Variants in CSMD1 observed in about 807,000 individuals in gnomAD.
The protein encoded by CSMD1 is CUB and sushi domain-containing protein 1.
CSMD1 carries 213 observed loss-of-function variants against 417.5 expected under a neutral mutation model. The observed-to-expected ratio is 0.51, with a 90% CI of 0.46 to 0.57. The LOEUF (loss-of-function observed/expected upper bound fraction) is 0.57, where lower values mean the gene tolerates loss of function less well. Among genes scored for constraint, CSMD1 ranks in the 20% least tolerant of loss-of-function variants. CSMD1 has a pLI of 0.00. For missense variants in CSMD1, 6,923 were observed against 4,529.7 expected, an observed-to-expected ratio of 1.53 and a Z score of -15.17; for synonymous variants, 2,862 against 1,736.8, an observed-to-expected ratio of 1.65 and a Z score of -16.11.
intron 3 of CSMD1, among the ~76,000 whole-genome samples, chr8:4,378,847 TAA>T (rs1802918159): frequency 6.6e-6 from 1 of 152,136 alleles, no homozygotes; most frequent in Non-Finnish European, 1.5e-5. Flanking sequence ...ATAGAAGGCA[TAA>T]TCTATGAAAC....
At chr8:4,946,532 G>A (rs546489418) in intron 1 of CSMD1, among the ~76,000 whole-genome samples, 3 of 152,232 alleles carry the variant, frequency 2.0e-5, no homozygotes, top group South Asian at 2.1e-4. Flanking sequence ...CTCTAACCAG[G>A]CCTGAAGCAT....
intron 2 of CSMD1, among the ~76,000 whole-genome samples, chr8:4,480,030 C>G (rs766928571): frequency 6.6e-6 from 1 of 151,546 alleles, no homozygotes; most frequent in Non-Finnish European, 1.5e-5. Flanking sequence ...CATACTTATC[C>G]TATCATTCTC....
chr8:4,062,801 G>C (rs1407168967), intron 3 of CSMD1, among the ~76,000 whole-genome samples: 2 of 151,790 alleles, frequency 1.3e-5, no homozygotes, highest in Non-Finnish European at 2.9e-5. Flanking sequence ...GTATCTGTCA[G>C]CATCACGGAT....
chr8:3,244,674 C>T (rs567832739), intron 26 of CSMD1, among the ~76,000 whole-genome samples: 13 of 152,306 alleles, frequency 8.5e-5, no homozygotes, highest in African/African-American at 3.1e-4. Flanking sequence ...ATGTGGCTGA[C>T]AATCTGAGCC....
chr8:3,501,496 C>A (rs1489748248), intron 10 of CSMD1, among the ~76,000 whole-genome samples: 3 of 152,180 alleles, frequency 2.0e-5, no homozygotes, highest in East Asian at 1.9e-4. Context: ...TAAATCAGTA[C>A]CAAGACCCTA....
At chr8:3,243,633 G>T (rs1399705712) in intron 26 of CSMD1, among the ~76,000 whole-genome samples, 2 of 152,080 alleles carry the variant, frequency 1.3e-5, no homozygotes, top group Non-Finnish European at 2.9e-5. Context: ...CATCAGTTAA[G>T]GCAGGAACTG....
At chr8:4,295,772 A>G (rs1302129634) in intron 3 of CSMD1, among the ~76,000 whole-genome samples, 6 of 40,490 alleles carry the variant, frequency 1.5e-4, no homozygotes, top group African/African-American at 3.5e-4. Context: ...ATATATATAT[A>G]TATATATATA....
intron 3 of CSMD1, among the ~76,000 whole-genome samples, chr8:4,358,037 G>C (rs1347183352): frequency 2.6e-5 from 4 of 152,074 alleles, no homozygotes; most frequent in African/African-American, 9.7e-5. Flanking sequence ...GGAATACACA[G>C]TAGCTGCTGC....
At chr8:4,578,317 C>T (rs1799236851) in intron 2 of CSMD1, among the ~76,000 whole-genome samples, 1 of 130,522 alleles carries the variant, frequency 7.7e-6, no homozygotes, top group African/African-American at 3.2e-5. Context: ...AGGCACCTGC[C>T]ACGACACCCG....
chr8:4,711,234 T>C (rs1253589521), intron 1 of CSMD1, among the ~76,000 whole-genome samples: 2 of 152,060 alleles, frequency 1.3e-5, no homozygotes, highest in Non-Finnish European at 2.9e-5. Flanking sequence ...TTAATCATGC[T>C]ATGAAATGAG....
intron 9 of CSMD1, among the ~76,000 whole-genome samples, chr8:3,584,401 C>T (rs958402368): frequency 7.9e-5 from 12 of 152,246 alleles, no homozygotes; most frequent in East Asian, 5.8e-4. Flanking sequence ...CTTGAATTGA[C>T]GAGAACAGGA....
chr8:4,247,010 G>A (rs573567456), intron 3 of CSMD1, among the ~76,000 whole-genome samples: 32 of 152,222 alleles, frequency 2.1e-4, no homozygotes, highest in African/African-American at 3.4e-4. Flanking sequence ...AACACTCAGC[G>A]CCCCATATGT....
intron 5 of CSMD1, among the ~76,000 whole-genome samples, chr8:3,918,648 G>C (rs1196998774): frequency 1.3e-5 from 2 of 152,022 alleles, no homozygotes; most frequent in African/African-American, 2.4e-5. Context: ...AAAACGAGTG[G>C]ATAAAGAAGC....
At chr8:3,480,216 G>T (rs915294172) in intron 11 of CSMD1, among the ~76,000 whole-genome samples, 5 of 152,180 alleles carry the variant, frequency 3.3e-5, no homozygotes, top group African/African-American at 1.2e-4. Context: ...AAAAAAATTA[G>T]CTGGGTGTGG....
At chr8:4,970,301 T>C (rs1005158237) in intron 1 of CSMD1, among the ~76,000 whole-genome samples, 2 of 152,058 alleles carry the variant, frequency 1.3e-5, no homozygotes, top group African/African-American at 2.4e-5. Context: ...GTCTGTAAAA[T>C]GGGAATAAGT....
chr8:4,628,864 G>C (rs1052427390), intron 2 of CSMD1, among the ~76,000 whole-genome samples: 1 of 152,076 alleles, frequency 6.6e-6, no homozygotes, highest in African/African-American at 2.4e-5. Context: ...TTCGTTGATG[G>C]TGTTTTATTA....
chr8:4,970,476 T>C (rs537637656), intron 1 of CSMD1, among the ~76,000 whole-genome samples: 1 of 152,248 alleles, frequency 6.6e-6, no homozygotes, highest in South Asian at 2.1e-4. Context: ...ATTTATGAGC[T>C]CCATTATAAC....
Position 3,300,349 on chromosome 8 carries a change from C to G in CSMD1, c.3950+7346G>C, listed in dbSNP as rs186790587. Among the ~76,000 whole-genome samples the G allele has an allele frequency of 2.5e-3, 367 of 148,592 alleles. 1 individual carries two copies. Among genetic ancestry groups the G allele is most frequent in the Non-Finnish European group, 4.4e-3 (293 of 67,026 alleles). ...CTTTGGTGTTTAAGATTACAGAAAA[C>G]TACATTTAGGGGTTTTTTTTTCTGC... On this transcript the variant is annotated intron_variant, in intron 25 of 69. Coordinates refer to ENST00000635120, the MANE Select transcript of CSMD1 (RefSeq NM_033225.6).
At chr8:4,972,554 G>A (rs1810305634) in intron 1 of CSMD1, among the ~76,000 whole-genome samples, 1 of 152,130 alleles carries the variant, frequency 6.6e-6, no homozygotes, top group Non-Finnish European at 1.5e-5. Context: ...CAGCCATGGG[G>A]AACTGTGAGT....
Sources: gnomAD v4.1 joint callset for allele counts (sites outside exome capture counted in the v4.1 genomes callset) on GRCh38, gnomAD v4.1.1 for gene constraint, MANE v1.5 for transcripts, NCBI Gene and HGNC (gene_info 2026-07-23, HGNC 2026-07-21) for gene names.